Variants in SCFD2 observed in about 807,000 individuals in gnomAD.
SCFD2 encodes sec1 family domain-containing protein 2.
A neutral mutation model predicts 58.9 loss-of-function variants in SCFD2; 54 were observed. The ratio of observed to expected loss-of-function variants is 0.92; its 90% CI spans 0.74 to 1.15. The LOEUF (loss-of-function observed/expected upper bound fraction) is 1.15. SCFD2 is among the 50% of genes most tolerant of loss of function. The probability of loss-of-function intolerance (pLI) is 0.00; values close to 1 mark genes in which losing one functional copy is unlikely to be tolerated. For synonymous variants in SCFD2, 321 were observed against 335.9 expected, an observed-to-expected ratio of 0.96 and a Z score of 0.49; for missense variants, 805 against 836.6, an observed-to-expected ratio of 0.96 and a Z score of 0.47.
intron 3 of SCFD2, among the ~76,000 whole-genome samples, chr4:53,292,132 G>A (rs1206554351): frequency 2.0e-5 from 3 of 151,908 alleles, no homozygotes; most frequent in African/African-American, 7.3e-5. Flanking sequence ...TCAGCACATA[G>A]GCATGGGCAA....
Position 53,145,334 on chromosome 4 carries a change from C to T in SCFD2, c.1560G>A (p.Thr520=), listed in dbSNP as rs756338716. 1.2e-4 allele frequency: 195 copies of T among 1,613,786 alleles called. No homozygotes were observed. The highest frequency in any genetic ancestry group is 4.3e-4 in the Admixed American group (26 of 59,972). The change falls in exon 5 of 9, where the codon ACG becomes ACA. Residue 520 remains threonine (T), a splice_region_variant and synonymous_variant. Transcript: ENST00000401642. ...SGLSPLLQKI[T]DWDSSINLTF... ...CCTGTATCTTTGTTAGACACTCACC[C>T]GTAATTTTTTGCAGCAAAGGTGACA...
intron 3 of SCFD2, among the ~76,000 whole-genome samples, chr4:53,298,627 G>C (rs1438724463): frequency 1.3e-5 from 2 of 152,190 alleles, no homozygotes; most frequent in Admixed American, 6.5e-5. Flanking sequence ...CTTGAGATCT[G>C]AGAAAGGGCA....
chr4:52,903,120 C>G (rs536428794), intron 7 of SCFD2, among the ~76,000 whole-genome samples: 1 of 152,272 alleles, frequency 6.6e-6, no homozygotes, highest in East Asian at 1.9e-4. Flanking sequence ...AAAATACACC[C>G]CTTTATTTCT....
rs757235137 is a variant in SCFD2, at chr4:53,145,475, G to A, written c.1419C>T (p.Ile473=). The A allele has an allele frequency of 1.9e-6, 3 of 1,613,802 alleles. No homozygotes were observed. Among genetic ancestry groups the A allele is most frequent in the Non-Finnish European group, 2.5e-6 (3 of 1,179,734 alleles). ...NEDYSPEELL[I]LLIYIYSVTG... Reference sequence around the variant, plus strand: ...TGACAGAATAAATATATATGAGAAGGATCAGCAGTTCCTCAGGGCTGTAGT... The same window carrying A: ...TGACAGAATAAATATATATGAGAAGAATCAGCAGTTCCTCAGGGCTGTAGT... The change falls in exon 5 of 9, where the codon ATC becomes ATT. Residue 473 remains isoleucine, a synonymous_variant. Transcript: ENST00000401642.
chr4:52,940,980 C>CT lies in SCFD2; in HGVS notation c.1562-20111dup, dbSNP rs759429239. Among the ~76,000 whole-genome samples, 5 of 152,072 alleles carry CT rather than the reference C, an allele frequency of 3.3e-5. No individual in the cohort carries two copies. In the East Asian group the frequency reaches 7.7e-4, roughly 24 times the overall value. On this transcript the variant is annotated intron_variant, in intron 5 of 8. Transcript: ENST00000401642. ...TCTGATATATCAGCTCAGATGTCCC[C>CT]TTTCCCATGACACCTCCCTTGATTC...
intron 5 of SCFD2, among the ~76,000 whole-genome samples, chr4:52,935,822 T>C (rs1453310930): frequency 6.6e-6 from 1 of 152,126 alleles, no homozygotes; most frequent in African/African-American, 2.4e-5. Flanking sequence ...CATATCTATC[T>C]CATCCTTTTC....
At chr4:53,306,363 A>T (rs1241407313) in intron 3 of SCFD2, among the ~76,000 whole-genome samples, 1 of 152,142 alleles carries the variant, frequency 6.6e-6, no homozygotes, top group East Asian at 1.9e-4. Flanking sequence ...AGAGGGAGAG[A>T]TCAGAAGAGC....
At chr4:53,049,232 G>C (rs1029279524) in intron 5 of SCFD2, among the ~76,000 whole-genome samples, 12 of 152,202 alleles carry the variant, frequency 7.9e-5, no homozygotes, top group African/African-American at 2.9e-4. Context: ...ATGATACCAA[G>C]AATGTCTGCC....
At chr4:52,888,329 T>C (rs115230861) in intron 7 of SCFD2, among the ~76,000 whole-genome samples, 1,635 of 152,234 alleles carry the variant, frequency 0.011, 24 homozygotes, top group African/African-American at 0.037. Flanking sequence ...TGGGGGACTA[T>C]CTAATGACCT....
chr4:53,116,592 T>C (rs1267125641), intron 5 of SCFD2, among the ~76,000 whole-genome samples: 1 of 152,150 alleles, frequency 6.6e-6, no homozygotes, highest in Non-Finnish European at 1.5e-5. Flanking sequence ...TAACAGGATA[T>C]ACTACACAGA....
At chr4:53,340,605 G>A (rs1733835411) in intron 2 of SCFD2, among the ~76,000 whole-genome samples, 9 of 152,216 alleles carry the variant, frequency 5.9e-5, no homozygotes, top group Admixed American at 5.9e-4. Flanking sequence ...CAGCTTTGAA[G>A]AGAGAAGTGG....
At chr4:53,292,236 A>T (rs1731864397) in intron 3 of SCFD2, among the ~76,000 whole-genome samples, 1 of 152,206 alleles carries the variant, frequency 6.6e-6, no homozygotes, top group African/African-American at 2.4e-5. Context: ...CTGCACAGCA[A>T]AAGTAACTAT....
chr4:52,993,457 T>C (rs1721669557), intron 5 of SCFD2, among the ~76,000 whole-genome samples: 1 of 152,262 alleles, frequency 6.6e-6, no homozygotes, highest in Non-Finnish European at 1.5e-5. Flanking sequence ...TTTATTTATG[T>C]GCGGCAACTA....
At chr4:53,255,197 T>TTTTCTTTATTTATTTA (rs1553892847) in intron 4 of SCFD2, among the ~76,000 whole-genome samples, 3 of 140,620 alleles carry the variant, frequency 2.1e-5, no homozygotes, top group Non-Finnish European at 4.6e-5. Flanking sequence ...TTTTTTTCTT[T>TTTTCTTTATTTATTTA]TTTATTTATT....
At chr4:53,118,841 C>T (rs149686419) in intron 5 of SCFD2, among the ~76,000 whole-genome samples, 5 of 151,432 alleles carry the variant, frequency 3.3e-5, no homozygotes, top group South Asian at 2.1e-4. Flanking sequence ...AAGGCATCTA[C>T]GTAAAAAAAA....
chr4:53,018,826 C>A (rs1422796643), intron 5 of SCFD2, among the ~76,000 whole-genome samples: 2 of 152,154 alleles, frequency 1.3e-5, no homozygotes, highest in Non-Finnish European at 2.9e-5. Context: ...ATGGTGTGTA[C>A]GCTCTTGTTC....
intron 5 of SCFD2, among the ~76,000 whole-genome samples, chr4:52,984,240 T>C (rs1297201703): frequency 6.6e-6 from 1 of 152,208 alleles, no homozygotes; most frequent in Non-Finnish European, 1.5e-5. Flanking sequence ...ATTGGATATA[T>C]TCATAGTGAA....
chr4:53,016,924 C>T (rs1304506410), intron 5 of SCFD2, among the ~76,000 whole-genome samples: 12 of 152,164 alleles, frequency 7.9e-5, no homozygotes, highest in Non-Finnish European at 1.6e-4. Context: ...CTGGCTAACA[C>T]AGTGAAACCC....
At chr4:52,930,907 T>C (rs539078651) in intron 5 of SCFD2, among the ~76,000 whole-genome samples, 1 of 152,300 alleles carries the variant, frequency 6.6e-6, no homozygotes, top group Admixed American at 6.5e-5. Context: ...GTTACCCTAA[T>C]GTTCTATTAT....
Sources: allele counts gnomAD v4.1 joint callset (sites outside exome capture counted in the v4.1 genomes callset), GRCh38; gene constraint gnomAD v4.1.1; transcripts MANE v1.5; gene names NCBI Gene and HGNC (gene_info 2026-07-23, HGNC 2026-07-21).